The following EWSR1 variants were observed in gnomAD, a reference collection of about 807,000 sequenced individuals.
EWSR1 encodes RNA-binding protein EWS.
EWSR1 carries 14 observed loss-of-function variants against 92.1 expected under a neutral mutation model. That is an observed-to-expected ratio of 0.15 (90% CI 0.10 to 0.24). The LOEUF (loss-of-function observed/expected upper bound fraction) is 0.24. Among genes scored for constraint, EWSR1 ranks in the 10% least tolerant of loss-of-function variants. The probability of loss-of-function intolerance (pLI) is 1.00; values close to 1 mark genes in which losing one functional copy is unlikely to be tolerated. For synonymous variants in EWSR1, 303 were observed against 292.9 expected, an observed-to-expected ratio of 1.03 and a Z score of -0.35; for missense variants, 637 against 870.9, an observed-to-expected ratio of 0.73 and a Z score of 3.38.
rs1433141413 is a variant in EWSR1, at chr22:29,297,823, C to G, written c.1295-4C>G. 6.2e-7 allele frequency: 1 copy of G among 1,613,466 alleles called. No homozygotes were observed. Among genetic ancestry groups the G allele is most frequent in the Admixed American group, 1.7e-5 (1 of 59,938 alleles). On this transcript the variant is annotated splice_region_variant and splice_polypyrimidine_tract_variant and intron_variant, in intron 12 of 16. Transcript: ENST00000397938. ...GTAATTGATGTTCTGTTGTCTTGTT[C>G]CAGGGAAAGATTTTCAAGGGAGCAA... is the stretch of plus-strand genomic sequence containing the variant.
intron 3 of EWSR1, 72 bp downstream of exon 3, chr22:29,272,503 T>G: frequency 6.9e-7 from 1 of 1,458,720 alleles, no homozygotes; most frequent in Non-Finnish European, 9.6e-7. Flanking sequence ...TATCTTTCAG[T>G]TATCCAGTAA....
At chr22:29,289,062 G>A (rs916014388) in intron 8 of EWSR1, 2 of 381,554 alleles carry the variant, frequency 5.2e-6, no homozygotes, top group African/African-American at 4.1e-5. Context: ...GGTTTCCAGA[G>A]GTGAGAAGCC....
chr22:29,288,947 G>A, intron 8 of EWSR1, 161 bp downstream of exon 8: 1 of 681,960 alleles, frequency 1.5e-6, no homozygotes. Flanking sequence ...TCATCTTTGT[G>A]GCATATATTA....
chr22:29,277,995 G>C, intron 4 of EWSR1, 35 bp from the exon 5 acceptor site: 4 of 1,591,426 alleles, frequency 2.5e-6, no homozygotes, highest in Non-Finnish European at 3.4e-6. Flanking sequence ...TCTCTGAGGG[G>C]ACCTGAAATC....
intron 13 of EWSR1, among the ~76,000 whole-genome samples, chr22:29,298,428 T>TC (rs762064962): frequency 6.6e-6 from 1 of 151,254 alleles, no homozygotes; most frequent in East Asian, 2.0e-4. Context: ...ATTGTTTGAA[T>TC]CTGGGGGGGT....
rs2060104824 is a variant in EWSR1, at chr22:29,287,115, C to T, written c.774C>T (p.Ser258=). 2.5e-6 allele frequency: 4 copies of T among 1,613,954 alleles called. No individual in the cohort carries two copies. The highest frequency in any genetic ancestry group is 2.7e-5 in the African/African-American group (2 of 74,906). Residue 258 remains serine, a synonymous_variant, in exon 7 of 17, where the codon AGC becomes AGT. Transcript: ENST00000397938. ...CTCCAAGTCAATATAGCCAACAGAG[C>T]AGCAGCTACGGGCAGCAGAGTGAGT... The part of the protein sequence containing the change: ...SQAPSQYSQQ[S]SSYGQQSSFR...
intron 8 of EWSR1, chr22:29,289,302 T>G: frequency 4.3e-6 from 1 of 230,944 alleles, no homozygotes; most frequent in East Asian, 6.2e-5. Context: ...GAGGTGCACC[T>G]GATTACATAG....
At chr22:29,298,300 G>GT (rs1339524761) in intron 13 of EWSR1, among the ~76,000 whole-genome samples, 1 of 152,156 alleles carries the variant, frequency 6.6e-6, no homozygotes, top group African/African-American at 2.4e-5. Flanking sequence ...GAGGTCAGGA[G>GT]TTTAAGACCA....
At chr22:29,268,443 G>C (rs971144500) in intron 1 of EWSR1, 94 bp downstream of exon 1, 11 of 1,607,834 alleles carry the variant, frequency 6.8e-6, no homozygotes, top group Non-Finnish European at 9.3e-6. Context: ...AGACTGAGTG[G>C]AGTTGCCGAG....
chr22:29,271,458 A>G (rs543981979), intron 1 of EWSR1, among the ~76,000 whole-genome samples: 1 of 152,326 alleles, frequency 6.6e-6, no homozygotes, highest in African/African-American at 2.4e-5. Context: ...ATGAAAATTC[A>G]TGTCTTTTTT....
chr22:29,280,891 T>C (rs1048025718), intron 5 of EWSR1, among the ~76,000 whole-genome samples: 1 of 132,380 alleles, frequency 7.6e-6, no homozygotes, highest in African/African-American at 2.8e-5. Flanking sequence ...TTTTTTTTTT[T>C]TTTTTTTTGA....
At chr22:29,290,220 T>A (rs1169293189) in intron 8 of EWSR1, 4 of 537,802 alleles carry the variant, frequency 7.4e-6, no homozygotes, top group Non-Finnish European at 1.3e-5. Context: ...TCGGATCCTG[T>A]GGGGATAGAC....
chr22:29,287,161 T>C, intron 7 of EWSR1, 27 bp downstream of exon 7: 1 of 1,602,624 alleles, frequency 6.2e-7, no homozygotes, highest in Non-Finnish European at 8.5e-7. Flanking sequence ...GAAAACCAAA[T>C]AAGAATGAAT....
At chr22:29,293,938 C>T (rs185397769) in intron 11 of EWSR1, among the ~76,000 whole-genome samples, 27 of 152,226 alleles carry the variant, frequency 1.8e-4, no homozygotes, top group East Asian at 1.5e-3. Context: ...ATTGCAGTGG[C>T]GCAGTCTTGG....
At chr22:29,269,005 G>A (rs2058406500) in intron 1 of EWSR1, among the ~76,000 whole-genome samples, 1 of 152,194 alleles carries the variant, frequency 6.6e-6, no homozygotes, top group South Asian at 2.1e-4. Context: ...AGGGCCCCCA[G>A]TTTGCCGCTT....
chr22:29,272,187 C>G (rs1388207348), intron 1 of EWSR1, 29 bp from the exon 2 acceptor site: 13 of 1,607,958 alleles, frequency 8.1e-6, no homozygotes, highest in Non-Finnish European at 1.1e-5. Flanking sequence ...GCTAACTTTA[C>G]ACTATTTTTC....
chr22:29,276,288 G>A (rs1234781434), intron 4 of EWSR1: 1 of 229,776 alleles, frequency 4.4e-6, no homozygotes, highest in Non-Finnish European at 8.6e-6. Context: ...AAAAACTTAA[G>A]CAGTTCAGAT....
At chr22:29,277,938 AAAGT>A (rs1417563859) in intron 4 of EWSR1, 88 bp from the exon 5 acceptor site, 7 of 1,143,296 alleles carry the variant, frequency 6.1e-6, no homozygotes, top group Non-Finnish European at 8.7e-6. Flanking sequence ...CTGATGGTTT[AAAGT>A]AAGTGGTTTA....
At chr22:29,291,264 G>T in intron 8 of EWSR1, 1 of 359,288 alleles carries the variant, frequency 2.8e-6, no homozygotes, top group East Asian at 4.0e-5. Flanking sequence ...TCACCTGACG[G>T]GGTGGGTGTT....
Sources: gnomAD v4.1 joint callset for allele counts (sites outside exome capture counted in the v4.1 genomes callset) on GRCh38, gnomAD v4.1.1 for gene constraint, MANE v1.5 for transcripts, NCBI Gene and HGNC (gene_info 2026-07-23, HGNC 2026-07-21) for gene names.